The following GCNT2 variants were observed in gnomAD, a reference collection of about 807,000 sequenced individuals.
GCNT2 encodes N-acetyllactosaminide beta-1,6-N-acetylglucosaminyl-transferase.
GCNT2 carries 34 observed loss-of-function variants against 34.2 expected under a neutral mutation model. The ratio of observed to expected loss-of-function variants is 1.00; its 90% confidence interval spans 0.76 to 1.32. The LOEUF (loss-of-function observed/expected upper bound fraction) is 1.32, where lower values mean the gene tolerates loss of function less well. Among genes scored for constraint, GCNT2 ranks in the 40% most tolerant of loss-of-function variants. GCNT2 has a pLI of 0.00. For synonymous variants in GCNT2, 212 were observed against 188.0 expected, an observed-to-expected ratio of 1.13 and a Z score of -1.04; for missense variants, 584 against 489.4, an observed-to-expected ratio of 1.19 and a Z score of -1.82.
At chr6:10,534,619 C>T (rs1295629052) in intron 3 of GCNT2, among the ~76,000 whole-genome samples, 2 of 152,102 alleles carry the variant, frequency 1.3e-5, no homozygotes, top group African/African-American at 2.4e-5. Context: ...CCAAGTTGTC[C>T]AATCAGCTGT....
intron 3 of GCNT2, among the ~76,000 whole-genome samples, chr6:10,583,815 A>T (rs951685543): frequency 6.6e-6 from 1 of 152,184 alleles, no homozygotes; most frequent in Non-Finnish European, 1.5e-5. Flanking sequence ...CATATTGTAG[A>T]TAATACTGTG....
At chr6:10,527,106 G>A (rs576017320) in intron 1 of GCNT2, among the ~76,000 whole-genome samples, 7 of 152,302 alleles carry the variant, frequency 4.6e-5, no homozygotes, top group Admixed American at 2.6e-4. Context: ...CAGGGAAGCA[G>A]GGAAATGAAA....
chr6:10,522,405 T>C (rs938736591), intron 1 of GCNT2, among the ~76,000 whole-genome samples: 10 of 152,314 alleles, frequency 6.6e-5, no homozygotes, highest in African/African-American at 2.4e-4. Context: ...CTTTTCTGTT[T>C]TCCTTATTTT....
intron 3 of GCNT2, among the ~76,000 whole-genome samples, chr6:10,582,251 AT>A (rs1764117139): frequency 3.3e-5 from 4 of 121,326 alleles, no homozygotes; most frequent in African/African-American, 1.3e-4. Flanking sequence ...TAAAATATAT[AT>A]AATATATACT....
chr6:10,587,568 C>A (rs902965305), intron 3 of GCNT2, among the ~76,000 whole-genome samples: 3 of 152,176 alleles, frequency 2.0e-5, no homozygotes, highest in Non-Finnish European at 4.4e-5. Context: ...AGAGAATTCT[C>A]AATTTTTAAG....
At chr6:10,598,780 T>C (rs919386409) in intron 3 of GCNT2, among the ~76,000 whole-genome samples, 6 of 152,156 alleles carry the variant, frequency 3.9e-5, no homozygotes, top group Non-Finnish European at 8.8e-5. Flanking sequence ...TGGAGCCGGA[T>C]CATTTGGCTT....
chr6:10,564,630 G>A (rs933926974), intron 3 of GCNT2, among the ~76,000 whole-genome samples: 10 of 152,172 alleles, frequency 6.6e-5, no homozygotes, highest in African/African-American at 1.2e-4. Flanking sequence ...TGTGAATCCC[G>A]GCTCTGTCAC....
intron 3 of GCNT2, among the ~76,000 whole-genome samples, chr6:10,541,734 A>G (rs1395785836): frequency 6.6e-6 from 1 of 152,178 alleles, no homozygotes; most frequent in Non-Finnish European, 1.5e-5. Flanking sequence ...AATTCAGGGA[A>G]TTCAAACAGA....
chr6:10,547,966 C>G (rs1352413626), intron 3 of GCNT2, among the ~76,000 whole-genome samples: 1 of 152,196 alleles, frequency 6.6e-6, no homozygotes, highest in Non-Finnish European at 1.5e-5. Flanking sequence ...CTTGTGTGTT[C>G]TTTCAACAAG....
chr6:10,556,958 G>A (rs763265359), intron 3 of GCNT2: 13 of 1,613,888 alleles, frequency 8.1e-6, no homozygotes, highest in East Asian at 2.2e-5. Context: ...TTCTGCCTTC[G>A]AGGTCTCATG....
intron 3 of GCNT2, among the ~76,000 whole-genome samples, chr6:10,542,678 A>G (rs1227473618): frequency 2.0e-5 from 3 of 152,182 alleles, no homozygotes; most frequent in African/African-American, 4.8e-5. Flanking sequence ...CGCGTGAATC[A>G]GTACTTCACT....
chr6:10,626,522 T>C lies in GCNT2; in HGVS notation c.1124T>C (p.Leu375Pro). 1 of 1,613,490 alleles carries C rather than the reference T, an allele frequency of 6.2e-7. No individual in the cohort carries two copies. Among genetic ancestry groups the C allele is most frequent in the Non-Finnish European group, 8.5e-7 (1 of 1,179,420 alleles). ...ANKFELNTYP[L>P]TVECLELRHR... Reference sequence around the variant, plus strand: ...AAGTTTGAGCTTAATACCTACCCCCTTACTGTGGAATGCCTAGAACTGAGG... The same window carrying C: ...AAGTTTGAGCTTAATACCTACCCCCCTACTGTGGAATGCCTAGAACTGAGG... Residue 375 changes from leucine (L) to proline (P), a missense_variant, in exon 5 of 5, where the codon CTT (leucine) becomes CCT (proline). Coordinates refer to ENST00000495262, the MANE Select transcript of GCNT2 (RefSeq NM_145649.5).
chr6:10,556,366 T>G, intron 3 of GCNT2: 1 of 1,609,766 alleles, frequency 6.2e-7, no homozygotes, highest in Admixed American at 1.7e-5. Context: ...ACGAGTGAGT[T>G]TGGAAAAAAG....
intron 3 of GCNT2, among the ~76,000 whole-genome samples, chr6:10,587,929 A>G (rs1764429401): frequency 6.6e-6 from 1 of 152,208 alleles, no homozygotes; most frequent in Non-Finnish European, 1.5e-5. Flanking sequence ...CACACCACAC[A>G]TACATACACA....
intron 3 of GCNT2, among the ~76,000 whole-genome samples, chr6:10,596,941 G>T (rs947654469): frequency 2.0e-5 from 3 of 151,970 alleles, no homozygotes; most frequent in African/African-American, 7.3e-5. Flanking sequence ...TCGTTACTTT[G>T]CATGAGGTCT....
chr6:10,598,618 C>G (rs1364997883), intron 3 of GCNT2, among the ~76,000 whole-genome samples: 1 of 152,110 alleles, frequency 6.6e-6, no homozygotes, highest in Non-Finnish European at 1.5e-5. Flanking sequence ...AACTGAGTAC[C>G]AAGTACTTAC....
At chr6:10,575,727 A>T (rs1416748627) in intron 3 of GCNT2, among the ~76,000 whole-genome samples, 1 of 152,154 alleles carries the variant, frequency 6.6e-6, no homozygotes, top group East Asian at 1.9e-4. Context: ...TCCTTGCCTT[A>T]ACTGATGACA....
At chr6:10,538,748 A>G (rs1341899519) in intron 3 of GCNT2, among the ~76,000 whole-genome samples, 1 of 152,114 alleles carries the variant, frequency 6.6e-6, no homozygotes, top group Non-Finnish European at 1.5e-5. Context: ...ACCATCAAAA[A>G]TGGCTTACAT....
chr6:10,553,793 C>T (rs1485157252), intron 3 of GCNT2, among the ~76,000 whole-genome samples: 1 of 152,198 alleles, frequency 6.6e-6, no homozygotes, highest in Non-Finnish European at 1.5e-5. Context: ...ACTTGTGAGG[C>T]TGAGGCAGGA....
Sources: allele counts gnomAD v4.1 joint callset (sites outside exome capture counted in the v4.1 genomes callset), GRCh38; gene constraint gnomAD v4.1.1; transcripts MANE v1.5; gene names NCBI Gene and HGNC (gene_info 2026-07-23, HGNC 2026-07-21).